Variants in LENG8 observed in about 807,000 individuals in gnomAD.
LENG8 encodes the protein leukocyte receptor cluster (LRC) member 8.
Under a neutral mutation model 102.1 loss-of-function variants are expected in LENG8, and 28 were observed. The observed-to-expected ratio is 0.27, with a 90% CI of 0.20 to 0.38. The LOEUF is 0.38. Ranked by LOEUF, LENG8 falls within the 10% of genes least tolerant of loss-of-function variation. LENG8 has a pLI of 1.00. For synonymous variants in LENG8, 531 were observed against 456.7 expected, an observed-to-expected ratio of 1.16 and a Z score of -2.07; for missense variants, 1,022 against 1,113.9, an observed-to-expected ratio of 0.92 and a Z score of 1.17.
In LENG8 at chr19:54,452,656, G is replaced by C; in HGVS notation, c.219G>C (p.Val73=). The change falls in exon 4 of 16, where the codon GTG becomes GTC. Residue 73 remains valine, a synonymous_variant. Coordinates refer to ENST00000326764, the MANE Select transcript of LENG8 (RefSeq NM_052925.4). The stretch of plus-strand genomic sequence containing the variant: ...ATGTGCCTCTGCTTCCACAGTACGT[G>C]TCCCAGGCAGAAGCCTCAGCTTTGC... ...SNGPVASAQY[V]SQAEASALQQ... 5 of 1,613,660 alleles carry C rather than the reference G, an allele frequency of 3.1e-6. No homozygotes were observed. The highest frequency in any genetic ancestry group is 4.2e-6 in the Non-Finnish European group (5 of 1,179,556).
chr19:54,454,767 C>G (rs1449984739), intron 6 of LENG8, 85 bp downstream of exon 6: 16 of 1,472,532 alleles, frequency 1.1e-5, no homozygotes, highest in Non-Finnish European at 1.5e-5. Flanking sequence ...GTGTGCTGCT[C>G]CTTGTTTCTG....
chr19:54,458,082 C>T (rs770736429), intron 13 of LENG8, 21 bp from the exon 14 acceptor site: 1 of 1,612,176 alleles, frequency 6.2e-7, no homozygotes, highest in Non-Finnish European at 8.5e-7. Flanking sequence ...GCTCTCCTCC[C>T]TCGGTGCCTC....
intron 15 of LENG8, 193 bp from the exon 16 acceptor site, chr19:54,460,572 AC>A: frequency 7.1e-7 from 1 of 1,408,048 alleles, no homozygotes; most frequent in Non-Finnish European, 9.2e-7. Flanking sequence ...GGCACAGGGG[AC>A]TGGGGTCACT....
intron 6 of LENG8, 103 bp downstream of exon 6, chr19:54,454,785 T>C (rs2084137165): frequency 2.8e-6 from 4 of 1,447,470 alleles, no homozygotes; most frequent in Non-Finnish European, 3.7e-6. Context: ...CTGGGTGTTG[T>C]GATCGCCAGG....
chr19:54,457,707 T>G, intron 11 of LENG8, 40 bp from the exon 12 acceptor site: 3 of 1,441,330 alleles, frequency 2.1e-6, no homozygotes, highest in African/African-American at 1.4e-5. Flanking sequence ...CCACGCTACC[T>G]GAGTTGTACT....
At chr19:54,451,850 G>A in intron 2 of LENG8, 1 of 500,312 alleles carries the variant, frequency 2.0e-6, no homozygotes, top group Non-Finnish European at 3.5e-6. Flanking sequence ...TGTTTGTTTG[G>A]TTTTAACAAC....
chr19:54,459,133 G>T (rs1600007102), intron 15 of LENG8: 1 of 1,309,298 alleles, frequency 7.6e-7, no homozygotes, highest in East Asian at 2.9e-5. Flanking sequence ...TAGACGCATG[G>T]TTCTGTCTGG....
In LENG8 at chr19:54,458,324, G is replaced by A. The variant is rs775744959; in HGVS notation, c.2043G>A (p.Thr681=). ...IFTKNSGDIT[T]ELAYLTRELK... is the part of the protein sequence containing the mutation. The stretch of plus-strand genomic sequence containing the variant: ...TTGTCTTGGTGCTAGACATCACCAC[G>A]GAGCTGGCATACCTCACACGAGAAC... The change falls in exon 15 of 16, where the codon ACG becomes ACA. Residue 681 remains threonine (T), a synonymous_variant. Coordinates refer to ENST00000326764, the MANE Select transcript of LENG8 (RefSeq NM_052925.4). 22 of 1,613,566 alleles carry A rather than the reference G, an allele frequency of 1.4e-5. No homozygotes were observed. The highest frequency in any genetic ancestry group is 6.7e-5 in the African/African-American group (5 of 74,930).
At chr19:54,456,499 G>T in intron 10 of LENG8, 34 bp downstream of exon 10, 1 of 1,572,422 alleles carries the variant, frequency 6.4e-7, no homozygotes, top group Non-Finnish European at 8.6e-7. Context: ...ACACGGGCCA[G>T]GGTGGAGGAG....
intron 15 of LENG8, chr19:54,460,020 C>A (rs2084450697): frequency 2.4e-6 from 3 of 1,274,488 alleles, no homozygotes; most frequent in Non-Finnish European, 3.1e-6. Context: ...GCCAGTCTGT[C>A]ATTGACCTCA....
rs1291656726 is a variant in LENG8 at position 54,456,067 on chromosome 19, G to A, written c.1126G>A (p.Gly376Arg). 5.0e-6 allele frequency: 8 copies of A among 1,609,662 alleles called. No homozygotes were observed. The highest frequency in any genetic ancestry group is 2.2e-5 in the South Asian group (2 of 90,856). The change falls in exon 9 of 16, where the codon GGG becomes AGG. Residue 376 changes from glycine to arginine, a missense_variant. By Grantham distance (125) the Gly-to-Arg change is moderately radical. This residue lies in a region of LENG8 where 326 missense variants were observed against 324.5 expected (regional missense o/e 1.00). Transcript: ENST00000326764. ...AGGGGCAGGCTCGGCGACAAGGGGC[G>A]GGGGTGCCCCGTCCCAGCGAGGGAC... ...PRGAGSATRG[G>R]GAPSQRGTPG...
chr19:54,456,480 G>A lies in LENG8; in HGVS notation c.1445+15G>A. 3 of 1,596,136 alleles carry A rather than the reference G, an allele frequency of 1.9e-6. No homozygotes were observed. The highest frequency in any genetic ancestry group is 2.6e-6 in the Non-Finnish European group (3 of 1,174,178). ...CGTGGGAAGAGGTGAGACTGTGTGA[G>A]GGCTCGACACACGGGCCAGGGTGGA... On this transcript the variant is annotated intron_variant, in intron 10 of 15. Transcript: ENST00000326764.
In LENG8 at chr19:54,456,474, G is replaced by A. The variant is rs371520993; in HGVS notation, c.1445+9G>A. 6.3e-7 allele frequency: 1 copy of A among 1,599,316 alleles called. No individual in the cohort carries two copies. Among genetic ancestry groups the A allele is most frequent in the East Asian group, 2.2e-5 (1 of 44,742 alleles). ...GCGCAGCGTGGGAAGAGGTGAGACT[G>A]TGTGAGGGCTCGACACACGGGCCAG... On this transcript the variant is annotated intron_variant, in intron 10 of 15. Coordinates refer to ENST00000326764, the MANE Select transcript of LENG8 (RefSeq NM_052925.4).
Position 54,453,650 on chromosome 19 carries a change from G to A in LENG8, c.420G>A (p.Leu140=). 6.2e-7 allele frequency: 1 copy of A among 1,612,236 alleles called. No homozygotes were observed. Among genetic ancestry groups the A allele is most frequent in the South Asian group, 1.1e-5 (1 of 90,952 alleles). Residue 140 remains leucine, a synonymous_variant, in exon 5 of 16, where the codon CTG becomes CTA. Transcript: ENST00000326764. ...CCGCACCCCAACACCAAGGGACTCT[G>A]AACCAGGTAACATCCTAGCCCAGCT... ...QPSAPQHQGT[L]NQPPVPGMDE... is the part of the protein sequence containing the mutation.
intron 15 of LENG8, 48 bp from the exon 16 acceptor site, chr19:54,460,718 T>TCCCCCCCCC: frequency 9.5e-7 from 1 of 1,048,042 alleles, no homozygotes; most frequent in South Asian, 1.7e-5. Context: ...GGCCCTCCCC[T>TCCCCCCCCC]GCCCTCCCGC....
In LENG8 at chr19:54,461,726, G is replaced by A. The variant is rs750201093; in HGVS notation, c.*798G>A. On this transcript the variant is annotated 3_prime_UTR_variant, in exon 16 of 16. Coordinates refer to ENST00000326764, the MANE Select transcript of LENG8 (RefSeq NM_052925.4). ...CTGCCTTCATGGATCACCAGCTCAC[G>A]TCATGTTGCCTTCTCTTTTCTTTGT... The A allele has an allele frequency of 2.0e-6, 1 of 499,988 alleles. No individual in the cohort carries two copies. Among genetic ancestry groups the A allele is most frequent in the South Asian group, 1.5e-5 (1 of 64,736 alleles). The allele number at this position is 499,988 out of a possible 1,614,324, so 31.0% of individuals were successfully genotyped here. A position where few individuals can be genotyped will look rare whatever the true frequency, so the allele number is the denominator to read the frequency against.
chr19:54,454,770 T>C (rs948713524), intron 6 of LENG8, 88 bp downstream of exon 6: 88 of 1,460,902 alleles, frequency 6.0e-5, no homozygotes, highest in Non-Finnish European at 6.1e-5. Flanking sequence ...TGCTGCTCCT[T>C]GTTTCTGGGT....
In LENG8 at chr19:54,461,875, G is replaced by A; in HGVS notation, c.*947G>A. The A allele has an allele frequency of 1.4e-6, 1 of 732,132 alleles. No homozygotes were observed. Among genetic ancestry groups the A allele is most frequent in the South Asian group, 1.5e-5 (1 of 68,810 alleles). 45.4% of individuals were successfully genotyped at this position (732,132 alleles called of 1,614,324 possible). On this transcript the variant is annotated 3_prime_UTR_variant, in exon 16 of 16. Coordinates refer to ENST00000326764, the MANE Select transcript of LENG8 (RefSeq NM_052925.4). ...AGTTTGCAAACAGCTGGACTGTCAG[G>A]CTGCTTTTTTTCCAGATGTTCCTCC...
intron 2 of LENG8, among the ~76,000 whole-genome samples, 178 bp downstream of exon 2, chr19:54,451,560 G>T (rs912270261): frequency 6.6e-6 from 1 of 152,126 alleles, no homozygotes; most frequent in Non-Finnish European, 1.5e-5. Flanking sequence ...TGTGGAGAGG[G>T]GCAAGCTTTC....
Sources: gnomAD v4.1 joint callset for allele counts (sites outside exome capture counted in the v4.1 genomes callset) on GRCh38, gnomAD v4.1.1 for gene constraint, gnomAD v4.1.1 regional missense constraint, MANE v1.5 for transcripts, NCBI Gene and HGNC (gene_info 2026-07-23, HGNC 2026-07-21) for gene names.